MGAT5B: variants seen among roughly 807,000 people sequenced by gnomAD.
MGAT5B encodes the protein N-acetylglucosaminyl-transferase Vb.
Under a neutral mutation model 95.1 loss-of-function variants are expected in MGAT5B, and 54 were observed. The ratio of observed to expected loss-of-function variants is 0.57; its 90% CI spans 0.46 to 0.71. The LOEUF (loss-of-function observed/expected upper bound fraction) is 0.71, where lower values mean the gene tolerates loss of function less well. Ranked by LOEUF, MGAT5B falls within the 30% of genes least tolerant of loss-of-function variation. The pLI is 0.00. For synonymous variants in MGAT5B, 464 were observed against 451.0 expected (o/e 1.03, Z -0.36); for missense variants, 935 against 1,088.6 (o/e 0.86, Z 1.99).
intron 12 of MGAT5B, among the ~76,000 whole-genome samples, chr17:76,934,649 A>C (rs150950109): frequency 1.3e-5 from 2 of 152,352 alleles, no homozygotes; most frequent in East Asian, 3.9e-4. Flanking sequence ...TACTTTTATC[A>C]GAAAATGCTG....
rs1969814555 is a variant in MGAT5B, at chr17:76,940,140, A to G, written c.1585-262A>G. On this transcript the variant is annotated intron_variant, in intron 13 of 17. Transcript: ENST00000569840. This position sits in a 1 kb window ranked among gnomAD's most constrained non-coding sequence, Gnocchi z 4.3. Reference sequence around the variant, plus strand: ...ATAGAGCAAGAAGAGACCATTGATAATACCTAATTAGACCCCCTTATTTCA... The same window carrying G: ...ATAGAGCAAGAAGAGACCATTGATAGTACCTAATTAGACCCCCTTATTTCA... Among the ~76,000 whole-genome samples the G allele has an allele frequency of 6.6e-6, 1 of 152,152 alleles. No individual in the cohort carries two copies. Among genetic ancestry groups the G allele is most frequent in the South Asian group, 2.1e-4 (1 of 4,826 alleles).
rs894957 is a variant in MGAT5B, at chr17:76,930,828, A to C, written c.1292-1817A>C. On this transcript the variant is annotated intron_variant, in intron 10 of 17. Transcript: ENST00000569840. The surrounding 1 kb of genome is among the most constrained non-coding windows in gnomAD (Gnocchi z 4.1). Reference sequence around the variant, plus strand: ...CCACAAAGGGAGGCACAGTCCACCCAAGAGAAGGCTTCCAGGAGGAGGTGT... The same window carrying C: ...CCACAAAGGGAGGCACAGTCCACCCCAGAGAAGGCTTCCAGGAGGAGGTGT... Among the ~76,000 whole-genome samples the C allele has an allele frequency of 0.83, 126,293 of 152,162 alleles. 53,229 individuals are homozygous for C. Among genetic ancestry groups the C allele is most frequent in the South Asian group, 0.9 (4,355 of 4,822 alleles).
At chr17:76,890,392 G>A (rs1967821186) in intron 3 of MGAT5B, among the ~76,000 whole-genome samples, 1 of 152,226 alleles carries the variant, frequency 6.6e-6, no homozygotes. Flanking sequence ...CTAGGTATGT[G>A]TGCTAGGTAC....
At chr17:76,899,160 C>G (rs1055907333) in intron 3 of MGAT5B, among the ~76,000 whole-genome samples, 15 of 152,218 alleles carry the variant, frequency 9.9e-5, no homozygotes, top group Non-Finnish European at 2.1e-4. Context: ...CCTGGCAGGA[C>G]CCCTGGCTTG....
Position 76,905,124 on chromosome 17 carries a change from G to T in MGAT5B, c.691-45G>T. On this transcript the variant is annotated intron_variant, in intron 6 of 17. Transcript: ENST00000569840. This position sits in a 1 kb window ranked among gnomAD's most constrained non-coding sequence, Gnocchi z 4.2. Reference sequence around the variant, plus strand: ...CCCCAGGCCAGCGGGGAATGATGGTGGCCGCAGGTTGAGGGGCAGAGAGCT... The same window carrying T: ...CCCCAGGCCAGCGGGGAATGATGGTTGCCGCAGGTTGAGGGGCAGAGAGCT... The T allele has an allele frequency of 6.4e-7, 1 of 1,563,096 alleles. No individual in the cohort carries two copies. Among genetic ancestry groups the T allele is most frequent in the South Asian group, 1.2e-5 (1 of 84,434 alleles).
chr17:76,901,693 A>C (rs1312805255), intron 3 of MGAT5B, among the ~76,000 whole-genome samples: 1 of 152,208 alleles, frequency 6.6e-6, no homozygotes, highest in Non-Finnish European at 1.5e-5. Context: ...AGCCAGTGAT[A>C]ATTTACCGGA....
chr17:76,914,918 G>A lies in MGAT5B; in HGVS notation c.1025+8731G>A, dbSNP rs1390005276. Among the ~76,000 whole-genome samples the A allele has an allele frequency of 2.0e-5, 3 of 152,190 alleles. No individual in the cohort carries two copies. Among genetic ancestry groups the A allele is most frequent in the Middle Eastern group, 3.2e-3 (1 of 316 alleles). ...CTCCCAAAGTGCTGGGATTACAGGCGTGAGCCACTGCCCCCGGCCACGTTT... is the reference window on the plus strand; with the variant it reads ...CTCCCAAAGTGCTGGGATTACAGGCATGAGCCACTGCCCCCGGCCACGTTT... On this transcript the variant is annotated intron_variant, in intron 8 of 17. Coordinates refer to ENST00000569840, the MANE Select transcript of MGAT5B (RefSeq NM_001199172.2). The surrounding 1 kb of genome is among the most constrained non-coding windows in gnomAD (Gnocchi z 5.1).
In MGAT5B at chr17:76,895,478, A is replaced by G. The variant is rs138983794; in HGVS notation, c.330-7077A>G. 2.0e-3 allele frequency among the ~76,000 whole-genome samples: 300 copies of G among 152,266 alleles called. 2 individuals carry two copies. The highest frequency in any genetic ancestry group is 6.7e-3 in the African/African-American group (280 of 41,548). On this transcript the variant is annotated intron_variant, in intron 3 of 17. Coordinates refer to ENST00000569840, the MANE Select transcript of MGAT5B (RefSeq NM_001199172.2). ...AGGTTGGGAACCACTGGATTAAACA[A>G]CAGAAATTGATCGTTTCACAGTTCT...
In MGAT5B at chr17:76,869,490, C is replaced by T. The variant is rs1598877372; in HGVS notation, c.68+393C>T. Among the ~76,000 whole-genome samples, 1 of 152,262 alleles carries T rather than the reference C, an allele frequency of 6.6e-6. No homozygotes were observed. The highest frequency in any genetic ancestry group is 3.4e-3 in the Middle Eastern group (1 of 294). On this transcript the variant is annotated intron_variant, in intron 1 of 17. Transcript: ENST00000569840. This position sits in a 1 kb window ranked among gnomAD's most constrained non-coding sequence, Gnocchi z 7.0. ...GGGTGGCAAAGTTAGTGTGCGGCGC[C>T]TTGGAGCTCCCCCTCCGGTCCCTCC...
At chr17:76,926,791 C>T in intron 10 of MGAT5B, 61 bp downstream of exon 10, 1 of 1,578,546 alleles carries the variant, frequency 6.3e-7, no homozygotes. Context: ...TCAGAGGTGA[C>T]ACGAGAGGCG....
At chr17:76,908,185 C>G (rs1020100066) in intron 8 of MGAT5B, among the ~76,000 whole-genome samples, 7 of 151,210 alleles carry the variant, frequency 4.6e-5, no homozygotes. Context: ...AGTTATCCAT[C>G]TTTTTCTTTA....
rs75445731 is a variant in MGAT5B, at chr17:76,903,553, C to T, written c.519+177C>T. Among the ~76,000 whole-genome samples the T allele has an allele frequency of 8.1e-3, 1,228 of 152,310 alleles. 12 individuals are homozygous for T. The highest frequency in any genetic ancestry group is 0.041 in the East Asian group (212 of 5,182). ...CCCAGAAAGAGTCTCCCTCAGGTGT[C>T]GGTGCTTTCTCACAGCAAATGATTA... On this transcript the variant is annotated intron_variant, in intron 5 of 17. Coordinates refer to ENST00000569840, the MANE Select transcript of MGAT5B (RefSeq NM_001199172.2).
chr17:76,935,026 G>C (rs1455581394), intron 12 of MGAT5B, among the ~76,000 whole-genome samples: 1 of 152,188 alleles, frequency 6.6e-6, no homozygotes, highest in African/African-American at 2.4e-5. Flanking sequence ...GTGCTAAGCG[G>C]GTCTGTCTTA....
intron 3 of MGAT5B, among the ~76,000 whole-genome samples, chr17:76,895,889 A>T (rs1453676505): frequency 6.6e-6 from 1 of 152,214 alleles, no homozygotes; most frequent in Non-Finnish European, 1.5e-5. Context: ...TTGATCTACA[A>T]GGGGTTTTTT....
Position 76,905,967 on chromosome 17 carries a change from G to C in MGAT5B, c.856-51G>C. On this transcript the variant is annotated intron_variant, in intron 7 of 17. Transcript: ENST00000569840. The surrounding 1 kb of genome is among the most constrained non-coding windows in gnomAD (Gnocchi z 4.2). ...CTGGCCGGTGCCCCGGGGGGGCGGG[G>C]CTCAGAGCTGCTGCTCCTCTCTGCT... 1 of 1,521,662 alleles carries C rather than the reference G, an allele frequency of 6.6e-7. No homozygotes were observed. Among genetic ancestry groups the C allele is most frequent in the Non-Finnish European group, 8.8e-7 (1 of 1,138,308 alleles). The allele number at this position is 1,521,662 out of a possible 1,614,324, so 94.3% of individuals were successfully genotyped here. A position where few individuals can be genotyped will look rare whatever the true frequency, so the allele number is the denominator to read the frequency against.
At chr17:76,939,603 A>G (rs976852131) in intron 13 of MGAT5B, among the ~76,000 whole-genome samples, 30 of 152,256 alleles carry the variant, frequency 2.0e-4, no homozygotes, top group Non-Finnish European at 1.5e-4. Flanking sequence ...GGTTTGTGAT[A>G]TGAAGGATCT....
intron 8 of MGAT5B, among the ~76,000 whole-genome samples, chr17:76,921,229 G>A (rs1473876769): frequency 6.6e-6 from 1 of 152,140 alleles, no homozygotes; most frequent in Non-Finnish European, 1.5e-5. Flanking sequence ...GGTTTGGCCG[G>A]GACCACCTTG....
chr17:76,948,900 C>T lies in MGAT5B; in HGVS notation c.*62C>T. 6.7e-7 allele frequency: 1 copy of T among 1,483,426 alleles called. No individual in the cohort carries two copies. Among genetic ancestry groups the T allele is most frequent in the Non-Finnish European group, 9.0e-7 (1 of 1,106,084 alleles). 91.9% of individuals were successfully genotyped at this position (1,483,426 alleles called of 1,614,324 possible). A position where few individuals can be genotyped will look rare whatever the true frequency, so the allele number is the denominator to read the frequency against. On this transcript the variant is annotated 3_prime_UTR_variant, in exon 18 of 18. Coordinates refer to ENST00000569840, the MANE Select transcript of MGAT5B (RefSeq NM_001199172.2). ...CTCTCTCCTGCCGCGGGAGAAAGCA[C>T]CAGCAGGTTCTGAGCCCTGGCTGCT... is the stretch of plus-strand genomic sequence containing the variant.
At chr17:76,903,482 C>T in intron 5 of MGAT5B, 106 bp downstream of exon 5, 1 of 792,956 alleles carries the variant, frequency 1.3e-6, no homozygotes, top group East Asian at 3.0e-5. Flanking sequence ...CTCAGGGAAA[C>T]AGCTTCTCTG....
Sources: allele counts gnomAD v4.1 joint callset (sites outside exome capture counted in the v4.1 genomes callset), GRCh38; gene constraint gnomAD v4.1.1; non-coding constraint Gnocchi (gnomAD v3.1); transcripts MANE v1.5; gene names NCBI Gene and HGNC (gene_info 2026-07-23, HGNC 2026-07-21).